The following AGBL1 variants were observed in gnomAD, a reference collection of about 807,000 sequenced individuals.
AGBL1 encodes the protein cytosolic carboxypeptidase 4.
In AGBL1, 130 loss-of-function variants were observed where a neutral mutation model predicts 118.9. The observed-to-expected ratio is 1.09, with a 90% CI of 0.95 to 1.26. The LOEUF is 1.26. Ranked by LOEUF, AGBL1 falls within the 50% of genes most tolerant of loss-of-function variation. The pLI, the probability that AGBL1 is intolerant of heterozygous loss-of-function variation, is 0.00. For synonymous variants in AGBL1, 555 were observed against 478.9 expected, an observed-to-expected ratio of 1.16 and a Z score of -2.08; for missense variants, 1,584 against 1,298.1, an observed-to-expected ratio of 1.22 and a Z score of -3.38.
At chr15:86,529,733 A>G (rs1459568543) in intron 19 of AGBL1, among the ~76,000 whole-genome samples, 2 of 151,866 alleles carry the variant, frequency 1.3e-5, no homozygotes, top group Admixed American at 6.5e-5. Flanking sequence ...CCTCAAAGGG[A>G]AGCCCATCAG....
At chr15:86,085,779 T>C (rs1895607185) in intron 1 of AGBL1, among the ~76,000 whole-genome samples, 1 of 151,450 alleles carries the variant, frequency 6.6e-6, no homozygotes, top group Non-Finnish European at 1.5e-5. Flanking sequence ...TTGATTTTTG[T>C]TGTTGTTGTT....
intron 17 of AGBL1, among the ~76,000 whole-genome samples, chr15:86,370,728 A>G (rs1474311243): frequency 6.6e-6 from 1 of 152,174 alleles, no homozygotes. Flanking sequence ...TTCTTACCGT[A>G]GCATTATCCA....
At chr15:86,433,109 C>A (rs2081956044) in intron 18 of AGBL1, among the ~76,000 whole-genome samples, 1 of 152,054 alleles carries the variant, frequency 6.6e-6, no homozygotes, top group Non-Finnish European at 1.5e-5. Flanking sequence ...GATGCAGGAG[C>A]CAAAGGTCAG....
At chr15:86,991,332 T>C (rs1050879363) in intron 24 of AGBL1, among the ~76,000 whole-genome samples, 2 of 144,834 alleles carry the variant, frequency 1.4e-5, no homozygotes, top group Admixed American at 7.2e-5. Flanking sequence ...CATATGTCTC[T>C]AAAATTCCCT....
At chr15:86,900,652 A>T (rs975319274) in intron 22 of AGBL1, among the ~76,000 whole-genome samples, 28 of 146,608 alleles carry the variant, frequency 1.9e-4, no homozygotes, top group African/African-American at 6.2e-4. Context: ...TTATATCAGA[A>T]TTTTTTTTTT....
intron 22 of AGBL1, among the ~76,000 whole-genome samples, chr15:86,720,215 A>G (rs923624967): frequency 1.3e-5 from 2 of 152,176 alleles, no homozygotes; most frequent in African/African-American, 2.4e-5. Context: ...TGATGATGAT[A>G]AAGACTTTTT....
At chr15:86,577,848 G>A (rs1485186253) in intron 21 of AGBL1, among the ~76,000 whole-genome samples, 1 of 152,072 alleles carries the variant, frequency 6.6e-6, no homozygotes, top group Non-Finnish European at 1.5e-5. Flanking sequence ...GGGGGTTTGG[G>A]AACCTCCGCC....
intron 18 of AGBL1, among the ~76,000 whole-genome samples, chr15:86,440,565 T>C (rs1230596850): frequency 2.0e-5 from 3 of 152,030 alleles, no homozygotes; most frequent in African/African-American, 7.2e-5. Flanking sequence ...TACCATTTCA[T>C]AGCCACAATC....
chr15:86,134,604 C>CTTTTTTTTTTTTTTTTTTTT (rs141645590), intron 1 of AGBL1, among the ~76,000 whole-genome samples: 1 of 84,614 alleles, frequency 1.2e-5, no homozygotes. Context: ...TCAATGGTGC[C>CTTTTTTTTTTTTTTTTTTTT]TTTTTTTTTT....
intron 22 of AGBL1, among the ~76,000 whole-genome samples, chr15:86,780,187 C>T (rs1567170583): frequency 1.7e-5 from 1 of 58,042 alleles, no homozygotes; most frequent in Non-Finnish European, 4.1e-5. Context: ...GACACATTTT[C>T]TTGCCATTGA....
intron 22 of AGBL1, among the ~76,000 whole-genome samples, chr15:86,827,557 A>T (rs1445980195): frequency 8.3e-6 from 1 of 120,412 alleles, no homozygotes. Flanking sequence ...TGGGTTCTGA[A>T]TGTATGATGG....
intron 17 of AGBL1, among the ~76,000 whole-genome samples, chr15:86,369,069 G>A (rs1427358790): frequency 6.6e-6 from 1 of 152,104 alleles, no homozygotes; most frequent in South Asian, 2.1e-4. Flanking sequence ...TGAAGATGAA[G>A]AAAGTCTACC....
chr15:86,675,747 G>A (rs1193529263), intron 22 of AGBL1, among the ~76,000 whole-genome samples: 1 of 152,092 alleles, frequency 6.6e-6, no homozygotes, highest in Non-Finnish European at 1.5e-5. Context: ...TATCTTGGGT[G>A]TAGGCATGCC....
chr15:86,737,661 G>A (rs910113847), intron 22 of AGBL1, among the ~76,000 whole-genome samples: 10 of 152,126 alleles, frequency 6.6e-5, no homozygotes, highest in Non-Finnish European at 1.3e-4. Context: ...GCACAGCTGA[G>A]CATTATTAGG....
intron 22 of AGBL1, among the ~76,000 whole-genome samples, chr15:86,889,319 A>T (rs2080016863): frequency 8.8e-6 from 1 of 113,508 alleles, no homozygotes; most frequent in African/African-American, 3.5e-5. Context: ...GCAAATCTAT[A>T]TTTCTTTCCA....
At chr15:86,109,422 C>G (rs1897235056) in intron 1 of AGBL1, among the ~76,000 whole-genome samples, 1 of 152,140 alleles carries the variant, frequency 6.6e-6, no homozygotes, top group Non-Finnish European at 1.5e-5. Flanking sequence ...CCTGGCATTG[C>G]TTTATAATCC....
intron 22 of AGBL1, among the ~76,000 whole-genome samples, chr15:86,786,759 G>A (rs999834047): frequency 1.3e-5 from 2 of 152,136 alleles, no homozygotes; most frequent in African/African-American, 4.8e-5. Context: ...GTTGCTACAT[G>A]TAGATCTAGC....
At chr15:86,580,595 A>C (rs922683106) in intron 21 of AGBL1, among the ~76,000 whole-genome samples, 1 of 152,116 alleles carries the variant, frequency 6.6e-6, no homozygotes, top group Non-Finnish European at 1.5e-5. Context: ...TAATAATTGT[A>C]CATATTTAAC....
chr15:86,545,639 T>C (rs1031593794), intron 19 of AGBL1, among the ~76,000 whole-genome samples: 7 of 152,146 alleles, frequency 4.6e-5, no homozygotes, highest in Non-Finnish European at 1.0e-4. Flanking sequence ...AAAATACTCA[T>C]AGATATCTTA....
Sources: gnomAD v4.1 joint callset for allele counts (sites outside exome capture counted in the v4.1 genomes callset) on GRCh38, gnomAD v4.1.1 for gene constraint, MANE v1.5 for transcripts, NCBI Gene and HGNC (gene_info 2026-07-23, HGNC 2026-07-21) for gene names.